Variants in CACNA2D3 observed in about 807,000 individuals in gnomAD.
CACNA2D3 encodes the protein voltage-dependent calcium channel subunit alpha-2/delta-3.
CACNA2D3 carries 60 observed loss-of-function variants against 160.6 expected under a neutral mutation model. The ratio of observed to expected loss-of-function variants is 0.37; its 90% CI spans 0.30 to 0.46. The LOEUF (loss-of-function observed/expected upper bound fraction) is 0.46, where lower values mean the gene tolerates loss of function less well. CACNA2D3 is among the 20% of genes least tolerant of loss of function. The pLI, the probability that CACNA2D3 is intolerant of heterozygous loss-of-function variation, is 1.00. For synonymous variants in CACNA2D3, 558 were observed against 492.9 expected (o/e 1.13, Z -1.75); for missense variants, 1,205 against 1,365.0 (o/e 0.88, Z 1.85).
chr3:54,739,817 GTATA>G (rs1402666953), intron 11 of CACNA2D3, among the ~76,000 whole-genome samples: 1 of 151,136 alleles, frequency 6.6e-6, no homozygotes, highest in Non-Finnish European at 1.5e-5. Context: ...ATGTGTGTGT[GTATA>G]TATATAACTA....
rs371273019 is a variant in CACNA2D3, at chr3:54,316,985, A to G, written c.205-3457A>G. On this transcript the variant is annotated intron_variant, in intron 2 of 37. Coordinates refer to ENST00000474759, the MANE Select transcript of CACNA2D3 (RefSeq NM_018398.3). ...AGATTACCTTAATTACAGAATTTAG[A>G]CATCATTTCACTGACTATAAATATT... Among the ~76,000 whole-genome samples, 9 of 152,348 alleles carry G rather than the reference A, an allele frequency of 5.9e-5. No homozygotes were observed. The South Asian group carries it at 1.7e-3, about 28-fold the overall frequency.
intron 8 of CACNA2D3, among the ~76,000 whole-genome samples, chr3:54,573,646 A>G (rs944723800): frequency 2.6e-5 from 4 of 152,180 alleles, no homozygotes; most frequent in Admixed American, 6.5e-5. Flanking sequence ...CTTCTATTGA[A>G]TAAAATCTAG....
In CACNA2D3 at chr3:54,526,416, T is replaced by C. The variant is rs139575109; in HGVS notation, c.544+22762T>C. Among the ~76,000 whole-genome samples the C allele has an allele frequency of 6.2e-3, 937 of 152,314 alleles. 6 individuals carry two copies. The highest frequency in any genetic ancestry group is 6.9e-3 in the Non-Finnish European group (467 of 68,022). ...TTTTTTGCATGTCTTGTAATTTTTA[T>C]TAGAAACTGGACATTTTAGATAATA... On this transcript the variant is annotated intron_variant, in intron 5 of 37. Transcript: ENST00000474759.
chr3:54,452,700 A>G (rs1349860100), intron 4 of CACNA2D3, among the ~76,000 whole-genome samples: 1 of 152,222 alleles, frequency 6.6e-6, no homozygotes, highest in African/African-American at 2.4e-5. Context: ...ACAAAATACC[A>G]CAAAGTTGTG....
chr3:54,328,483 T>C (rs544506712), intron 3 of CACNA2D3, among the ~76,000 whole-genome samples: 24 of 152,122 alleles, frequency 1.6e-4, no homozygotes, highest in Admixed American at 9.2e-4. Context: ...GATTTCACCA[T>C]GTTGGCCGGG....
At chr3:54,248,609 A>G (rs1019896935) in intron 2 of CACNA2D3, among the ~76,000 whole-genome samples, 3 of 152,220 alleles carry the variant, frequency 2.0e-5, no homozygotes, top group East Asian at 1.9e-4. Context: ...AGAAAAGACC[A>G]TGTGAGGACA....
intron 35 of CACNA2D3, among the ~76,000 whole-genome samples, chr3:55,019,461 T>C (rs548442430): frequency 5.9e-5 from 9 of 152,158 alleles, no homozygotes; most frequent in Non-Finnish European, 1.2e-4. Flanking sequence ...GCCTTTTCTA[T>C]GCCTTTTAAT....
intron 3 of CACNA2D3, among the ~76,000 whole-genome samples, chr3:54,328,216 T>A (rs907186553): frequency 1.3e-5 from 2 of 152,198 alleles, no homozygotes; most frequent in Non-Finnish European, 2.9e-5. Flanking sequence ...TCCTCTCTAG[T>A]ATTTGACTAT....
intron 13 of CACNA2D3, among the ~76,000 whole-genome samples, chr3:54,810,294 G>C (rs1703269714): frequency 6.6e-6 from 1 of 152,208 alleles, no homozygotes; most frequent in African/African-American, 2.4e-5. Flanking sequence ...GGAGAGACCA[G>C]ATGAGCAGCA....
chr3:54,763,815 ATATATATACG>A lies in CACNA2D3; in HGVS notation c.1247-394_1247-385del, dbSNP rs1702153476. Among the ~76,000 whole-genome samples, 2 of 7,540 alleles carry A rather than the reference ATATATATACG, an allele frequency of 2.7e-4. 1 individual carries two copies. The highest frequency in any genetic ancestry group is 6.5e-4 in the African/African-American group (2 of 3,082). 4.9% of individuals were successfully genotyped at this position (7,540 alleles called of 152,430 possible). On this transcript the variant is annotated intron_variant, in intron 12 of 37. Coordinates refer to ENST00000474759, the MANE Select transcript of CACNA2D3 (RefSeq NM_018398.3). Reference sequence around the variant, plus strand: ...TATATATATGTACATATATATACATATATATATACGTATATATATGTATATATATGTACAT... The same window carrying A: ...TATATATATGTACATATATATACATATATATATATGTATATATATGTACAT...
chr3:54,979,538 G>A (rs954193406), intron 29 of CACNA2D3, among the ~76,000 whole-genome samples: 1 of 152,172 alleles, frequency 6.6e-6, no homozygotes, highest in African/African-American at 2.4e-5. Context: ...GTTAAAAGCT[G>A]TAAATAGCTC....
chr3:54,771,333 G>GT (rs1165738693), intron 13 of CACNA2D3, among the ~76,000 whole-genome samples: 4 of 152,186 alleles, frequency 2.6e-5, no homozygotes, highest in Non-Finnish European at 5.9e-5. Context: ...CAGCACAAGT[G>GT]TATCATCTCC....
intron 11 of CACNA2D3, among the ~76,000 whole-genome samples, chr3:54,699,762 G>A (rs1700732349): frequency 6.6e-6 from 1 of 152,084 alleles, no homozygotes; most frequent in South Asian, 2.1e-4. Context: ...TAGTAATATT[G>A]ACTTCATCCT....
chr3:54,853,870 G>A (rs751577574), intron 17 of CACNA2D3, among the ~76,000 whole-genome samples: 5 of 152,260 alleles, frequency 3.3e-5, no homozygotes, highest in African/African-American at 7.2e-5. Flanking sequence ...GCCTATGGGG[G>A]TGGGGGGATG....
chr3:54,736,018 C>CATACATATATATATGTATGTATATAT lies in CACNA2D3; in HGVS notation c.1168-16580_1168-16579insTACATATATATATGTATGTATATATA, dbSNP rs1245051455. ...ACATATATATATATGTATATATATA[C>CATACATATATATATGTATGTATATAT]ACATACATATATATATGTATATATA... On this transcript the variant is annotated intron_variant, in intron 11 of 37. Transcript: ENST00000474759. 4.7e-4 allele frequency among the ~76,000 whole-genome samples: 38 copies of CATACATATATATATGTATGTATATAT among 80,914 alleles called. 2 individuals carry two copies. The highest frequency in any genetic ancestry group is 1.7e-3 in the South Asian group (5 of 2,916). The allele number at this position is 80,914 out of a possible 152,430, so 53.1% of individuals were successfully genotyped here. A position where few individuals can be genotyped will look rare whatever the true frequency, so the allele number is the denominator to read the frequency against.
chr3:54,781,806 T>A (rs1702542749), intron 13 of CACNA2D3, among the ~76,000 whole-genome samples: 1 of 152,242 alleles, frequency 6.6e-6, no homozygotes, highest in African/African-American at 2.4e-5. Flanking sequence ...CAGCTCTTTA[T>A]CCTTCAGGTG....
At chr3:54,244,176 C>T (rs1240860293) in intron 2 of CACNA2D3, among the ~76,000 whole-genome samples, 8 of 152,140 alleles carry the variant, frequency 5.3e-5, no homozygotes, top group African/African-American at 1.7e-4. Context: ...TTGACAGTCT[C>T]CTCCCACTTT....
intron 2 of CACNA2D3, among the ~76,000 whole-genome samples, chr3:54,306,584 G>A (rs565526961): frequency 6.6e-6 from 1 of 152,334 alleles, no homozygotes. Context: ...TGGTGAGAAG[G>A]ACCATGGCTC....
chr3:54,273,898 A>G (rs1178362713), intron 2 of CACNA2D3, among the ~76,000 whole-genome samples: 1 of 152,130 alleles, frequency 6.6e-6, no homozygotes, highest in Non-Finnish European at 1.5e-5. Context: ...GGATTTTGGG[A>G]TCCAGTTGAC....
Sources: gnomAD v4.1 joint callset for allele counts (sites outside exome capture counted in the v4.1 genomes callset) on GRCh38, gnomAD v4.1.1 for gene constraint, MANE v1.5 for transcripts, NCBI Gene and HGNC (gene_info 2026-07-23, HGNC 2026-07-21) for gene names.